The following TRUB2 variants were observed in gnomAD, a reference collection of about 807,000 sequenced individuals.
The protein encoded by TRUB2 is TruB pseudouridine synthase family member 2, also known as pseudouridylate synthase TRUB2, mitochondrial.
TRUB2 carries 31 observed loss-of-function variants against 31.9 expected under a neutral mutation model. That is an observed-to-expected ratio of 0.97 (90% CI 0.73 to 1.31). The LOEUF (loss-of-function observed/expected upper bound fraction) is 1.31, where lower values mean the gene tolerates loss of function less well. Ranked by LOEUF, TRUB2 falls within the 50% of genes most tolerant of loss-of-function variation. The probability of loss-of-function intolerance (pLI) is 0.00; values close to 1 mark genes in which losing one functional copy is unlikely to be tolerated. For synonymous variants in TRUB2, 201 were observed against 182.6 expected (o/e 1.10, Z -0.81); for missense variants, 451 against 439.6 (o/e 1.03, Z -0.23).
intron 2 of TRUB2, 37 bp downstream of exon 2, chr9:128,321,562 G>A (rs759692901): frequency 6.2e-7 from 1 of 1,611,658 alleles, no homozygotes; most frequent in East Asian, 2.2e-5. Context: ...GATTTCCTGG[G>A]AAGTGACACA....
chr9:128,321,739 A>G lies in TRUB2; in HGVS notation c.110-9T>C. The G allele has an allele frequency of 1.9e-6, 3 of 1,612,644 alleles. No individual in the cohort carries two copies. The highest frequency in any genetic ancestry group is 2.5e-6 in the Non-Finnish European group (3 of 1,179,736). ...CTTCCTGGCATTGAGACCTGAACAC[A>G]CAGAGATAATATATACACACATACA... On this transcript the variant is annotated splice_polypyrimidine_tract_variant and intron_variant, in intron 1 of 7. Coordinates refer to ENST00000372890, the MANE Select transcript of TRUB2 (RefSeq NM_015679.3).
rs1832057652 is a variant in TRUB2, at chr9:128,315,708, CA to C, written c.317-81del. On this transcript the variant is annotated intron_variant, in intron 3 of 7. Transcript: ENST00000372890. The stretch of plus-strand genomic sequence containing the variant: ...GTATCCCCACCCCTACCCCCACCAT[CA>C]GAATACTCCCTTTTCTGATGCTGCC... The C allele has an allele frequency of 3.4e-6, 5 of 1,480,250 alleles. No individual in the cohort carries two copies. The Admixed American group carries it at 9.6e-5, about 29-fold the overall frequency. 91.7% of individuals were successfully genotyped at this position (1,480,250 alleles called of 1,614,324 possible).
intron 6 of TRUB2, 118 bp from the exon 7 acceptor site, chr9:128,311,141 C>T: frequency 2.9e-6 from 4 of 1,392,844 alleles, no homozygotes; most frequent in African/African-American, 1.4e-5. Context: ...GCTCCTCCAG[C>T]CACCTTTCCT....
chr9:128,314,028 C>T, intron 4 of TRUB2, 139 bp from the exon 5 acceptor site: 1 of 681,278 alleles, frequency 1.5e-6, no homozygotes, highest in Non-Finnish European at 2.6e-6. Flanking sequence ...AGCTGCTCCA[C>T]AGCCCCAGGA....
At chr9:128,310,801 A>T in intron 7 of TRUB2, 86 bp downstream of exon 7, 2 of 1,561,826 alleles carry the variant, frequency 1.3e-6, no homozygotes, top group Non-Finnish European at 1.8e-6. Context: ...TGAGCCAGAC[A>T]ACAGTGACCT....
intron 2 of TRUB2, among the ~76,000 whole-genome samples, chr9:128,320,917 C>T (rs1832158893): frequency 6.6e-6 from 1 of 151,946 alleles, no homozygotes; most frequent in African/African-American, 2.4e-5. Flanking sequence ...GCCTCCTGAG[C>T]AACTGGGACT....
intron 3 of TRUB2, among the ~76,000 whole-genome samples, chr9:128,316,126 C>T (rs1588526022): frequency 6.6e-6 from 1 of 151,202 alleles, no homozygotes. Context: ...GCTTGGCCAA[C>T]ATGGTGAAAC....
In TRUB2 at chr9:128,309,446, C is replaced by CAT. The variant is rs1564381450; in HGVS notation, c.*103_*104insAT. 9.4e-6 allele frequency: 12 copies of CAT among 1,274,466 alleles called. No homozygotes were observed. The African/African-American group carries it at 1.6e-4, about 17-fold the overall frequency. 78.9% of individuals were successfully genotyped at this position (1,274,466 alleles called of 1,614,324 possible). A position where few individuals can be genotyped will look rare whatever the true frequency, so the allele number is the denominator to read the frequency against. On this transcript the variant is annotated 3_prime_UTR_variant, in exon 8 of 8. Coordinates refer to ENST00000372890, the MANE Select transcript of TRUB2 (RefSeq NM_015679.3). ...GTTACAGCTTGAGTTTTGTGTCTTA[C>CAT]GTAGAAAAGGTGCCCCTGCTCTCAC...
chr9:128,312,554 C>T (rs1831989913), intron 5 of TRUB2, among the ~76,000 whole-genome samples: 1 of 151,988 alleles, frequency 6.6e-6, no homozygotes, highest in Admixed American at 6.6e-5. Flanking sequence ...CCTCAGCCTC[C>T]CGAGTACCTG....
chr9:128,311,182 G>A (rs913609799), intron 6 of TRUB2, 159 bp from the exon 7 acceptor site: 6 of 1,026,244 alleles, frequency 5.8e-6, no homozygotes, highest in Non-Finnish European at 8.4e-6. Context: ...GCCTGGTAGA[G>A]TCAGGAAACC....
At chr9:128,321,447 T>G (rs1832173324) in intron 2 of TRUB2, 152 bp downstream of exon 2, 1 of 1,384,362 alleles carries the variant, frequency 7.2e-7, no homozygotes, top group Admixed American at 2.4e-5. Context: ...TATCTGGCCC[T>G]TTCCAAGGAA....
chr9:128,319,186 C>T (rs1028360717), intron 2 of TRUB2, among the ~76,000 whole-genome samples: 8 of 151,938 alleles, frequency 5.3e-5, no homozygotes, highest in South Asian at 2.1e-4. Flanking sequence ...ATTAGCTGGG[C>T]GTGGTGGCGG....
At position 128,309,637 on chromosome 9, in the gene TRUB2, G is replaced by A. The variant is rs145934963; in HGVS notation, c.909C>T (p.Asp303=). ...ELEKSLSPGL[D]TKQLPSPGWS... ...ATCCCGGACTGGGGAGCTGCTTGGT[G>A]TCCAGCCCCGGGCTCAAGCTCTTCT... is the stretch of plus-strand genomic sequence containing the variant. The change falls in exon 8 of 8, where the codon GAC becomes GAT. Residue 303 remains aspartate, a synonymous_variant. Coordinates refer to ENST00000372890, the MANE Select transcript of TRUB2 (RefSeq NM_015679.3). The A allele has an allele frequency of 3.1e-6, 5 of 1,614,124 alleles. No individual in the cohort carries two copies. Among genetic ancestry groups the A allele is most frequent in the East Asian group, 2.2e-5 (1 of 44,870 alleles).
At position 128,311,525 on chromosome 9, in the gene TRUB2, T is replaced by G. The variant is rs1831967974; in HGVS notation, c.533+4A>C. On this transcript the variant is annotated splice_donor_region_variant and intron_variant, in intron 6 of 7. Transcript: ENST00000372890. ...CCCAGTACCTCCCTGAGGGCCCTAC[T>G]CACATCACCAGGGCCTTCTGATGGG... is the stretch of plus-strand genomic sequence containing the variant. The G allele has an allele frequency of 1.9e-6, 3 of 1,614,110 alleles. No individual in the cohort carries two copies. The East Asian group carries it at 6.7e-5, about 36-fold the overall frequency.
intron 6 of TRUB2, 164 bp from the exon 7 acceptor site, chr9:128,311,187 G>A (rs1564382597): frequency 1.0e-6 from 1 of 962,822 alleles, no homozygotes; most frequent in Non-Finnish European, 1.5e-6. Context: ...GTAGAGTCAG[G>A]AAACCCAGGC....
chr9:128,313,457 A>T (rs1470227083), intron 5 of TRUB2, among the ~76,000 whole-genome samples: 1 of 147,508 alleles, frequency 6.8e-6, no homozygotes, highest in Non-Finnish European at 1.5e-5. Context: ...AATGGCGTGA[A>T]CCCGGGAGGT....
intron 2 of TRUB2, among the ~76,000 whole-genome samples, chr9:128,320,457 T>C (rs1444134827): frequency 2.0e-5 from 3 of 151,966 alleles, no homozygotes; most frequent in Admixed American, 1.3e-4. Flanking sequence ...CTCAGCCTCC[T>C]GAGAACCTGG....
In TRUB2 at chr9:128,322,294, A is replaced by G. The variant is rs567883723; in HGVS notation, c.109+6T>C. On this transcript the variant is annotated splice_donor_region_variant and intron_variant, in intron 1 of 7. Coordinates refer to ENST00000372890, the MANE Select transcript of TRUB2 (RefSeq NM_015679.3). ...CGGGAACGTGGGTCTGGTTCGAGGCACTCACCCTTCAGAAGTTGTAGCTCC... is the reference window on the plus strand; with the variant it reads ...CGGGAACGTGGGTCTGGTTCGAGGCGCTCACCCTTCAGAAGTTGTAGCTCC... The G allele has an allele frequency of 4.5e-5, 73 of 1,611,990 alleles. No individual in the cohort carries two copies. The highest frequency in any genetic ancestry group is 5.9e-5 in the Non-Finnish European group (69 of 1,178,284).
intron 5 of TRUB2, among the ~76,000 whole-genome samples, chr9:128,312,954 A>G (rs1356941652): frequency 6.6e-6 from 1 of 150,654 alleles, no homozygotes; most frequent in Non-Finnish European, 1.5e-5. Flanking sequence ...GGTGACTCAC[A>G]CCTGTAATCC....
Sources: gnomAD v4.1 joint callset for allele counts (sites outside exome capture counted in the v4.1 genomes callset) on GRCh38, gnomAD v4.1.1 for gene constraint, MANE v1.5 for transcripts, NCBI Gene and HGNC (gene_info 2026-07-23, HGNC 2026-07-21) for gene names.